Variants in MAML3 observed in about 807,000 individuals in gnomAD.
The protein encoded by MAML3 is mastermind-like protein 3.
In MAML3, 27 loss-of-function variants were observed where a neutral mutation model predicts 101.9. The ratio of observed to expected loss-of-function variants is 0.27; its 90% CI spans 0.20 to 0.37. The LOEUF is 0.37. MAML3 is among the 10% of genes least tolerant of loss of function. The pLI, the probability that MAML3 is intolerant of heterozygous loss-of-function variation, is 1.00. For synonymous variants in MAML3, 501 were observed against 555.9 expected (o/e 0.90, Z 1.39); for missense variants, 1,316 against 1,444.9 (o/e 0.91, Z 1.45).
chr4:140,083,773 C>T (rs1265181807), intron 1 of MAML3, among the ~76,000 whole-genome samples: 1 of 151,988 alleles, frequency 6.6e-6, no homozygotes, highest in East Asian at 1.9e-4. Flanking sequence ...TGTTTTAGAT[C>T]CACTTGCCAT....
chr4:139,994,863 T>C (rs1432806946), intron 1 of MAML3, among the ~76,000 whole-genome samples: 1 of 152,010 alleles, frequency 6.6e-6, no homozygotes, highest in African/African-American at 2.4e-5. Context: ...GTGAATAAAC[T>C]TTCCATTTTT....
At chr4:140,124,420 G>A (rs1728654433) in intron 1 of MAML3, among the ~76,000 whole-genome samples, 1 of 152,158 alleles carries the variant, frequency 6.6e-6, no homozygotes. Context: ...CTTTTAAACA[G>A]CACTGACTAG....
At chr4:139,960,754 G>A (rs557222300) in intron 1 of MAML3, among the ~76,000 whole-genome samples, 6 of 152,136 alleles carry the variant, frequency 3.9e-5, no homozygotes, top group South Asian at 2.1e-4. Flanking sequence ...CAGAAAGAGC[G>A]GAGTCCCACA....
chr4:139,844,455 G>A (rs1194425858), intron 2 of MAML3, among the ~76,000 whole-genome samples: 1 of 152,190 alleles, frequency 6.6e-6, no homozygotes. Context: ...GATGATGTGG[G>A]AGTTAACAAT....
At chr4:139,845,992 A>T (rs1248471763) in intron 2 of MAML3, among the ~76,000 whole-genome samples, 1 of 152,226 alleles carries the variant, frequency 6.6e-6, no homozygotes, top group Non-Finnish European at 1.5e-5. Context: ...CAACATCTAT[A>T]TAAACAGAGA....
chr4:140,086,019 G>A (rs943465617), intron 1 of MAML3, among the ~76,000 whole-genome samples: 1 of 152,122 alleles, frequency 6.6e-6, no homozygotes, highest in Non-Finnish European at 1.5e-5. Flanking sequence ...TAAAACTCAT[G>A]TAAACTTTCC....
At chr4:140,055,142 C>T (rs550712788) in intron 1 of MAML3, among the ~76,000 whole-genome samples, 58 of 152,288 alleles carry the variant, frequency 3.8e-4, no homozygotes, top group African/African-American at 1.3e-3. Context: ...ATCTCTTATT[C>T]TGATGAACTC....
intron 3 of MAML3, among the ~76,000 whole-genome samples, chr4:139,729,692 C>T (rs1448941674): frequency 6.6e-6 from 1 of 152,178 alleles, no homozygotes; most frequent in East Asian, 1.9e-4. Context: ...ATGGGCATCT[C>T]TAAAAACAAA....
chr4:140,009,260 T>G (rs1363278624), intron 1 of MAML3, among the ~76,000 whole-genome samples: 1 of 152,204 alleles, frequency 6.6e-6, no homozygotes, highest in African/African-American at 2.4e-5. Flanking sequence ...GTGGTCAAAT[T>G]TACGAACCAA....
chr4:140,067,641 C>T (rs1056125177), intron 1 of MAML3, among the ~76,000 whole-genome samples: 1 of 151,436 alleles, frequency 6.6e-6, no homozygotes, highest in Non-Finnish European at 1.5e-5. Context: ...ATAAATATAA[C>T]ATAAGTCTGA....
chr4:139,761,248 C>T (rs906087108), intron 2 of MAML3, among the ~76,000 whole-genome samples: 3 of 152,170 alleles, frequency 2.0e-5, no homozygotes, highest in Non-Finnish European at 2.9e-5. Context: ...GCATGAGCCG[C>T]TACACCCGGC....
chr4:139,852,403 GTTTTT>G (rs67349785), intron 2 of MAML3, among the ~76,000 whole-genome samples: 7 of 68,322 alleles, frequency 1.0e-4, no homozygotes, highest in African/African-American at 4.7e-4. Context: ...TCAGAAGACT[GTTTTT>G]TTTTTTTTTT....
intron 1 of MAML3, among the ~76,000 whole-genome samples, chr4:139,996,127 G>A (rs997936536): frequency 1.3e-5 from 2 of 151,966 alleles, no homozygotes; most frequent in African/African-American, 4.8e-5. Context: ...TATTTCATAT[G>A]ATTTCTTTTA....
At chr4:140,086,644 A>T (rs776764842) in intron 1 of MAML3, among the ~76,000 whole-genome samples, 2 of 152,088 alleles carry the variant, frequency 1.3e-5, no homozygotes, top group Non-Finnish European at 2.9e-5. Flanking sequence ...TCATCCTCCT[A>T]CTCTCTCTCA....
At chr4:139,947,750 T>A (rs796598095) in intron 1 of MAML3, among the ~76,000 whole-genome samples, 4 of 152,036 alleles carry the variant, frequency 2.6e-5, no homozygotes, top group Admixed American at 2.6e-4. Flanking sequence ...GTCTCAAAAA[T>A]CAAAACAAAA....
At chr4:139,935,882 A>G (rs770931489) in intron 1 of MAML3, among the ~76,000 whole-genome samples, 7 of 152,136 alleles carry the variant, frequency 4.6e-5, no homozygotes, top group African/African-American at 1.7e-4. Context: ...TTTATTTTCT[A>G]TGTGTTGAGA....
intron 2 of MAML3, among the ~76,000 whole-genome samples, chr4:139,870,183 C>T (rs1731978055): frequency 6.6e-6 from 1 of 152,170 alleles, no homozygotes; most frequent in Non-Finnish European, 1.5e-5. Flanking sequence ...ACATTTTGGG[C>T]TAGATAATGC....
At chr4:139,867,576 G>C (rs1194384733) in intron 2 of MAML3, among the ~76,000 whole-genome samples, 1 of 152,266 alleles carries the variant, frequency 6.6e-6, no homozygotes, top group East Asian at 1.9e-4. Context: ...GCTTGCCCCA[G>C]GCACATAGTT....
intron 2 of MAML3, among the ~76,000 whole-genome samples, chr4:139,839,506 G>A (rs1487946044): frequency 1.3e-5 from 2 of 150,316 alleles, no homozygotes; most frequent in African/African-American, 4.9e-5. Flanking sequence ...TCTTTCGTTG[G>A]CATTCCTTTT....
Sources: allele counts gnomAD v4.1 joint callset (sites outside exome capture counted in the v4.1 genomes callset), GRCh38; gene constraint gnomAD v4.1.1; transcripts MANE v1.5; gene names NCBI Gene and HGNC (gene_info 2026-07-23, HGNC 2026-07-21).